The following PTPRN variants were observed in gnomAD, a reference collection of about 807,000 sequenced individuals.
PTPRN encodes the protein receptor-type tyrosine-protein phosphatase-like N.
In PTPRN, 70 loss-of-function variants were observed where a neutral mutation model predicts 108.5. The ratio of observed to expected loss-of-function variants is 0.65; its 90% CI spans 0.53 to 0.79. The LOEUF (loss-of-function observed/expected upper bound fraction) is 0.79. Among genes scored for constraint, PTPRN ranks in the 30% least tolerant of loss-of-function variants. The pLI is 0.00. For synonymous variants in PTPRN, 496 were observed against 524.6 expected (o/e 0.95, Z 0.75); for missense variants, 1,136 against 1,295.5 (o/e 0.88, Z 1.89).
Position 219,290,780 on chromosome 2 carries a change from C to T in PTPRN, c.2794+46G>A, listed in dbSNP as rs1325716072. The T allele has an allele frequency of 1.9e-6, 3 of 1,595,434 alleles. No individual in the cohort carries two copies. Among genetic ancestry groups the T allele is most frequent in the African/African-American group, 1.3e-5 (1 of 74,430 alleles). On this transcript the variant is annotated intron_variant, in intron 21 of 22. Transcript: ENST00000295718. The surrounding 1 kb of genome is among the most constrained non-coding windows in gnomAD (Gnocchi z 4.2). The stretch of plus-strand genomic sequence containing the variant: ...CAGGACCCTGTGTGCTGGGGAGCCT[C>T]TAAAAAGGGCCTGGGGGCTGCGGGC...
intron 19 of PTPRN, among the ~76,000 whole-genome samples, chr2:219,293,628 T>C (rs1400949268): frequency 2.0e-5 from 3 of 152,180 alleles, no homozygotes; most frequent in Non-Finnish European, 4.4e-5. Flanking sequence ...ATTTTTTAAA[T>C]ATGGAAAAAA....
At position 219,297,515 on chromosome 2, in the gene PTPRN, G is replaced by C. The variant is rs1230872464; in HGVS notation, c.1888-82C>G. 2 of 1,363,996 alleles carry C rather than the reference G, an allele frequency of 1.5e-6. No individual in the cohort carries two copies. The highest frequency in any genetic ancestry group is 2.9e-5 in the African/African-American group (2 of 69,720). The allele number at this position is 1,363,996 out of a possible 1,614,324, so 84.5% of individuals were successfully genotyped here. ...CCTGGGTTCAACTCTGGGCTCCTAG[G>C]CTTGCCCTTGACTGATTTTCAGTGG... is the stretch of plus-strand genomic sequence containing the variant. On this transcript the variant is annotated intron_variant, in intron 13 of 22. Coordinates refer to ENST00000295718, the MANE Select transcript of PTPRN (RefSeq NM_002846.4). This position sits in a 1 kb window ranked among gnomAD's most constrained non-coding sequence, Gnocchi z 6.0.
At position 219,302,158 on chromosome 2, in the gene PTPRN, C is replaced by T; in HGVS notation, c.973G>A (p.Ala325Thr). The change falls in exon 6 of 23, where the codon GCT becomes ACT. Residue 325 changes from alanine (A) to threonine (T), a missense_variant. By Grantham distance (58) the Ala-to-Thr change is moderately conservative. Coordinates refer to ENST00000295718, the MANE Select transcript of PTPRN (RefSeq NM_002846.4). ...EGLGDRGEKP[A>T]SPAVQPDAAL... The stretch of plus-strand genomic sequence containing the variant: ...TTACCTGGCTGCACAGCTGGGGAAG[C>T]AGGCTTCTCTCCACGATCCCCTAGT... 6.3e-7 allele frequency: 1 copy of T among 1,590,020 alleles called. No individual in the cohort carries two copies. The highest frequency in any genetic ancestry group is 8.6e-7 in the Non-Finnish European group (1 of 1,163,712).
intron 19 of PTPRN, chr2:219,291,796 TG>T: frequency 1.9e-6 from 1 of 536,842 alleles, no homozygotes; most frequent in Non-Finnish European, 3.3e-6. Context: ...TTTTCTTACC[TG>T]TAAAATGGAG....
chr2:219,299,934 G>A, intron 9 of PTPRN, 51 bp downstream of exon 9: 1 of 1,604,748 alleles, frequency 6.2e-7, no homozygotes, highest in East Asian at 2.2e-5. Context: ...GGCCAGGCAG[G>A]CCAGCCCAAA....
chr2:219,297,338 G>A lies in PTPRN; in HGVS notation c.1983C>T (p.Phe661=), dbSNP rs1672254416. ...TGGGGCTGGCCTGGGCTGCGTCGCTGAACTGGGAGGACACACTGCTCACCC... is the reference window on the plus strand; with the variant it reads ...TGGGGCTGGCCTGGGCTGCGTCGCTAAACTGGGAGGACACACTGCTCACCC... ...PSRVSSVSSQ[F]SDAAQASPSS... The change falls in exon 14 of 23, where the codon TTC becomes TTT. Residue 661 remains phenylalanine, a synonymous_variant. Transcript: ENST00000295718. The surrounding 1 kb of genome is among the most constrained non-coding windows in gnomAD (Gnocchi z 6.0). 1 of 1,613,940 alleles carries A rather than the reference G, an allele frequency of 6.2e-7. No individual in the cohort carries two copies.
Position 219,307,775 on chromosome 2 carries a change from G to C in PTPRN, c.166+17C>G, listed in dbSNP as rs898772501. 8 of 1,613,310 alleles carry C rather than the reference G, an allele frequency of 5.0e-6. No homozygotes were observed. In the Middle Eastern group the frequency reaches 5.0e-4, roughly 100 times the overall value. ...CTCCCCCCGATCTTGTGAGTTCTAT[G>C]CTTGGGCCTCACTCACCCTGAATAC... On this transcript the variant is annotated intron_variant, in intron 2 of 22. Transcript: ENST00000295718.
chr2:219,297,031 C>G lies in PTPRN; in HGVS notation c.2190G>C (p.Gln730His). The change falls in exon 15 of 23, where the codon CAG (glutamine) becomes CAC (histidine). Residue 730 changes from glutamine to histidine, a missense_variant. Gln to His is a conservative substitution (Grantham distance 24). Transcript: ENST00000295718. This position sits in a 1 kb window ranked among gnomAD's most constrained non-coding sequence, Gnocchi z 6.0. ...GGTTCTTTTTGATGTTGCCCTCCCC[C>G]TGCGCGGTGGCACAGGTGTTTGGCT... Reference protein sequence around the residue: ...QAEPNTCATAQGEGNIKKNRH... With the variant: ...QAEPNTCATAHGEGNIKKNRH... 1 of 1,614,080 alleles carries G rather than the reference C, an allele frequency of 6.2e-7. No homozygotes were observed.
chr2:219,300,418 G>A, intron 8 of PTPRN, 159 bp from the exon 9 acceptor site: 1 of 667,314 alleles, frequency 1.5e-6, no homozygotes, highest in South Asian at 2.6e-5. Flanking sequence ...CAGAGCATCT[G>A]AGACAAGTAA....
intron 8 of PTPRN, 31 bp from the exon 9 acceptor site, chr2:219,300,290 T>C: frequency 6.5e-7 from 1 of 1,527,334 alleles, no homozygotes; most frequent in Non-Finnish European, 8.8e-7. Flanking sequence ...GTGTGGCCTC[T>C]GGACAGTGCT....
In PTPRN at chr2:219,290,153, G is replaced by T; in HGVS notation, c.*73C>A. 1.4e-6 allele frequency: 2 copies of T among 1,380,392 alleles called. No homozygotes were observed. The highest frequency in any genetic ancestry group is 2.1e-6 in the Non-Finnish European group (2 of 969,870). 85.5% of individuals were successfully genotyped at this position (1,380,392 alleles called of 1,614,324 possible). On this transcript the variant is annotated 3_prime_UTR_variant, in exon 23 of 23. Transcript: ENST00000295718. The surrounding 1 kb of genome is among the most constrained non-coding windows in gnomAD (Gnocchi z 4.2). ...GAGGTGGCTGGTGGGGCAGTGAGGAGTGGGTACACAGAGATGCTCACACAG... is the reference window on the plus strand; with the variant it reads ...GAGGTGGCTGGTGGGGCAGTGAGGATTGGGTACACAGAGATGCTCACACAG...
rs56106398 is a variant in PTPRN, at chr2:219,290,947, C to T, written c.2730-57G>A. On this transcript the variant is annotated intron_variant, in intron 20 of 22. Transcript: ENST00000295718. This position sits in a 1 kb window ranked among gnomAD's most constrained non-coding sequence, Gnocchi z 4.2. ...GAGATGCAGCAGAAAGGGGGAGGGA[C>T]GGAGGAGGCGAGGAGGCCTGGAGGC... is the stretch of plus-strand genomic sequence containing the variant. 8,310 of 1,561,684 alleles carry T rather than the reference C, an allele frequency of 5.3e-3. 408 individuals are homozygous for T. In the African/African-American group the frequency reaches 0.099, roughly 19 times the overall value.
rs1397841459 is a variant in PTPRN at position 219,302,027 on chromosome 2, G to C, written c.994+110C>G. Reference sequence around the variant, plus strand: ...GTCAGTAGACATTCCTTAAATGTATGAATGACTTTAAGGACAAGTTAACAA... The same window carrying C: ...GTCAGTAGACATTCCTTAAATGTATCAATGACTTTAAGGACAAGTTAACAA... On this transcript the variant is annotated intron_variant, in intron 6 of 22. Transcript: ENST00000295718. 3 of 1,049,514 alleles carry C rather than the reference G, an allele frequency of 2.9e-6. No homozygotes were observed. In the African/African-American group the frequency reaches 4.8e-5, roughly 17 times the overall value. The allele number at this position is 1,049,514 out of a possible 1,614,324, so 65.0% of individuals were successfully genotyped here. A position where few individuals can be genotyped will look rare whatever the true frequency, so the allele number is the denominator to read the frequency against.
Position 219,291,462 on chromosome 2 carries a change from C to T in PTPRN, c.2729+8G>A, listed in dbSNP as rs750600306. 5 of 1,613,636 alleles carry T rather than the reference C, an allele frequency of 3.1e-6. No individual in the cohort carries two copies. The South Asian group carries it at 5.5e-5, about 18-fold the overall frequency. On this transcript the variant is annotated splice_region_variant and intron_variant, in intron 20 of 22. Coordinates refer to ENST00000295718, the MANE Select transcript of PTPRN (RefSeq NM_002846.4). ...GGGACCAGAGAGATGAATCTCCTCTCCACCCACCTGCAGTGCACGATGATG... is the reference window on the plus strand; with the variant it reads ...GGGACCAGAGAGATGAATCTCCTCTTCACCCACCTGCAGTGCACGATGATG...
At position 219,295,944 on chromosome 2, in the gene PTPRN, G is replaced by A. The variant is rs977940258; in HGVS notation, c.2508+282C>T. ...TTTGATCTCTGTGCCTTTATCATAA[G>A]TCTCTATGAACGCTTTTTGACTCTA... On this transcript the variant is annotated intron_variant, in intron 18 of 22. Coordinates refer to ENST00000295718, the MANE Select transcript of PTPRN (RefSeq NM_002846.4). The A allele has an allele frequency of 1.2e-3, 437 of 350,278 alleles. 4 individuals are homozygous for A. Among genetic ancestry groups the A allele is most frequent in the Non-Finnish European group, 2.6e-4 (50 of 194,152 alleles). The allele number at this position is 350,278 out of a possible 1,614,324, so 21.7% of individuals were successfully genotyped here. A position where few individuals can be genotyped will look rare whatever the true frequency, so the allele number is the denominator to read the frequency against.
intron 9 of PTPRN, 58 bp from the exon 10 acceptor site, chr2:219,299,844 T>C: frequency 6.4e-7 from 1 of 1,558,398 alleles, no homozygotes; most frequent in Non-Finnish European, 8.7e-7. Context: ...GTCACTTTCT[T>C]AAAACAGGCC....
Position 219,307,486 on chromosome 2 carries a change from G to A in PTPRN, c.238C>T (p.Leu80Phe). The change falls in exon 3 of 23, where the codon CTC becomes TTC. Residue 80 changes from leucine to phenylalanine, a missense_variant. By Grantham distance (22) the Leu-to-Phe change is conservative. Coordinates refer to ENST00000295718, the MANE Select transcript of PTPRN (RefSeq NM_002846.4). ...RPLLQVTSPV[L>F]QRLQGVLRQL... ...CGGAGCACACCTTGTAAGCGTTGGA[G>A]AACTGGGGAGGTGACTTGCAAAAGG... The A allele has an allele frequency of 6.2e-7, 1 of 1,614,206 alleles. No homozygotes were observed. Among genetic ancestry groups the A allele is most frequent in the South Asian group, 1.1e-5 (1 of 91,074 alleles).
chr2:219,299,965 T>G lies in PTPRN; in HGVS notation c.1436+20A>C. The G allele has an allele frequency of 6.2e-7, 1 of 1,613,748 alleles. No homozygotes were observed. Among genetic ancestry groups the G allele is most frequent in the Non-Finnish European group, 8.5e-7 (1 of 1,179,788 alleles). ...CCAAATCCTAGCAGACCAGAAAGCT[T>G]CCCAGGATGCAGCCCTTACTTCTGA... is the stretch of plus-strand genomic sequence containing the variant. On this transcript the variant is annotated intron_variant, in intron 9 of 22. Transcript: ENST00000295718.
rs547901828 is a variant in PTPRN at position 219,298,127 on chromosome 2, A to G, written c.1669-24T>C. 8 of 1,604,502 alleles carry G rather than the reference A, an allele frequency of 5.0e-6. No individual in the cohort carries two copies. The African/African-American group carries it at 1.1e-4, about 21-fold the overall frequency. On this transcript the variant is annotated intron_variant, in intron 12 of 22. Coordinates refer to ENST00000295718, the MANE Select transcript of PTPRN (RefSeq NM_002846.4). ...CTCTGTGGGAACAAGGCTAGAATCA[A>G]GGGAGGCAGTGGCATAGGGAGGTTT...
Sources: allele counts gnomAD v4.1 joint callset (sites outside exome capture counted in the v4.1 genomes callset), GRCh38; gene constraint gnomAD v4.1.1; non-coding constraint Gnocchi (gnomAD v3.1); transcripts MANE v1.5; gene names NCBI Gene and HGNC (gene_info 2026-07-23, HGNC 2026-07-21).